ARHGAP22: variants seen among roughly 807,000 people sequenced by gnomAD.
The protein encoded by ARHGAP22 is rho GTPase-activating protein 22.
ARHGAP22 carries 48 observed loss-of-function variants against 59.1 expected under a neutral mutation model. That is an observed-to-expected ratio of 0.81 (90% CI 0.64 to 1.03). The LOEUF (loss-of-function observed/expected upper bound fraction) is 1.03, where lower values mean the gene tolerates loss of function less well. Among genes scored for constraint, ARHGAP22 ranks in the 50% least tolerant of loss-of-function variants. ARHGAP22 has a pLI of 0.00. For synonymous variants in ARHGAP22, 445 were observed against 416.4 expected (o/e 1.07, Z -0.84); for missense variants, 1,015 against 958.7 (o/e 1.06, Z -0.78).
chr10:48,595,605 G>T (rs765584974), intron 1 of ARHGAP22, among the ~76,000 whole-genome samples: 21 of 152,038 alleles, frequency 1.4e-4, no homozygotes, highest in Admixed American at 1.2e-3. Flanking sequence ...CTCACTGCAG[G>T]CTCAAACTCT....
chr10:48,572,713 G>A (rs1174596292), intron 2 of ARHGAP22, among the ~76,000 whole-genome samples: 4 of 152,128 alleles, frequency 2.6e-5, no homozygotes, highest in African/African-American at 4.8e-5. Flanking sequence ...CTGCCTTTCC[G>A]GGTCTACCAG....
intron 9 of ARHGAP22, among the ~76,000 whole-genome samples, chr10:48,449,695 G>A (rs2045704945): frequency 6.6e-6 from 1 of 152,226 alleles, no homozygotes; most frequent in African/African-American, 2.4e-5. Flanking sequence ...GTCCTCATGG[G>A]AGGCTGGAAC....
At position 48,450,749 on chromosome 10, in the gene ARHGAP22, C is replaced by G; in HGVS notation, c.1380G>C (p.Trp460Cys). Residue 460 changes from tryptophan to cysteine, a missense_variant, in exon 9 of 10, where the codon TGG becomes TGC. Physicochemically the swap from Trp to Cys is radical, Grantham distance 215. Transcript: ENST00000249601. The stretch of plus-strand genomic sequence containing the variant: ...GCAGGGAGGACAGCCCGTTCATAAG[C>G]CAGTTCCCGCCGGAGGAGATGATGG... Reference protein sequence around the residue: ...EVPIISSGGNWLMNGLSSLRG... With the variant: ...EVPIISSGGNCLMNGLSSLRG... The G allele has an allele frequency of 6.4e-7, 1 of 1,558,854 alleles. No individual in the cohort carries two copies. Among genetic ancestry groups the G allele is most frequent in the Non-Finnish European group, 8.7e-7 (1 of 1,151,756 alleles).
intron 1 of ARHGAP22, among the ~76,000 whole-genome samples, chr10:48,618,229 A>G (rs1025945887): frequency 2.0e-5 from 3 of 152,046 alleles, no homozygotes; most frequent in Non-Finnish European, 4.4e-5. Flanking sequence ...CATCAAAGAA[A>G]AGCCCAGGAC....
chr10:48,453,962 G>C, intron 7 of ARHGAP22, 126 bp downstream of exon 7: 1 of 974,136 alleles, frequency 1.0e-6, no homozygotes, highest in Non-Finnish European at 1.6e-6. Context: ...CTGGGTTGAG[G>C]CTGTGCAGGG....
intron 1 of ARHGAP22, among the ~76,000 whole-genome samples, chr10:48,633,407 C>A (rs2061694416): frequency 6.6e-6 from 1 of 152,246 alleles, no homozygotes; most frequent in Admixed American, 6.5e-5. Context: ...CCAAAGGAAA[C>A]AATTCTCAGC....
At chr10:48,497,579 T>C (rs549932578) in intron 3 of ARHGAP22, among the ~76,000 whole-genome samples, 2 of 152,148 alleles carry the variant, frequency 1.3e-5, no homozygotes, top group Non-Finnish European at 2.9e-5. Flanking sequence ...TGTGCTGCAG[T>C]ACAAGCTGAG....
At chr10:48,561,218 T>C (rs1444491701) in intron 2 of ARHGAP22, among the ~76,000 whole-genome samples, 1 of 152,202 alleles carries the variant, frequency 6.6e-6, no homozygotes, top group East Asian at 1.9e-4. Context: ...CATATATGGA[T>C]AATTGATTTT....
chr10:48,537,068 T>G (rs2055429306), intron 3 of ARHGAP22, among the ~76,000 whole-genome samples: 1 of 152,192 alleles, frequency 6.6e-6, no homozygotes, highest in East Asian at 1.9e-4. Context: ...TTTCTAGCCT[T>G]GCATTTGCAT....
At chr10:48,532,107 A>C (rs2054904446) in intron 3 of ARHGAP22, among the ~76,000 whole-genome samples, 1 of 152,168 alleles carries the variant, frequency 6.6e-6, no homozygotes, top group Non-Finnish European at 1.5e-5. Flanking sequence ...TAATTTTCAC[A>C]ATAGCCTGTA....
chr10:48,612,509 T>G (rs1425246268), intron 1 of ARHGAP22, among the ~76,000 whole-genome samples: 1 of 152,202 alleles, frequency 6.6e-6, no homozygotes, highest in Admixed American at 6.5e-5. Context: ...TGATGACACC[T>G]GCTGTGATGA....
At chr10:48,552,821 T>C (rs571076887) in intron 3 of ARHGAP22, among the ~76,000 whole-genome samples, 1 of 152,310 alleles carries the variant, frequency 6.6e-6, no homozygotes, top group South Asian at 2.1e-4. Flanking sequence ...AATCTTCTTA[T>C]TCGTTTTTAG....
At chr10:48,618,073 GA>G (rs1232508687) in intron 1 of ARHGAP22, among the ~76,000 whole-genome samples, 1 of 151,692 alleles carries the variant, frequency 6.6e-6, no homozygotes, top group East Asian at 1.9e-4. Context: ...ACCAACAAAT[GA>G]AAATAAATAA....
chr10:48,656,205 G>A (rs1395128500), upstream of ARHGAP22: 4 of 150,438 alleles, frequency 2.7e-5, no homozygotes, highest in African/African-American at 7.4e-5. Flanking sequence ...AGGGCCGGGG[G>A]GATGCAGCCT....
At chr10:48,521,403 T>C (rs962129672) in intron 3 of ARHGAP22, among the ~76,000 whole-genome samples, 1 of 152,198 alleles carries the variant, frequency 6.6e-6, no homozygotes, top group Non-Finnish European at 1.5e-5. Context: ...TGGCTCTTGA[T>C]ATATTTTTGC....
intron 3 of ARHGAP22, among the ~76,000 whole-genome samples, chr10:48,486,333 TTTATTA>T (rs201245098): frequency 6.6e-6 from 1 of 151,078 alleles, no homozygotes; most frequent in African/African-American, 2.4e-5. Flanking sequence ...ATTTTATTAT[TTTATTA>T]TTATTATTAT....
the ARHGAP22 span, among the ~76,000 whole-genome samples, chr10:48,434,291 C>T: frequency 2.0e-5 from 3 of 152,150 alleles, no homozygotes; most frequent in Non-Finnish European, 4.4e-5. Flanking sequence ...CCCATAACCT[C>T]GTGTAAAGTG....
At chr10:48,618,157 A>T (rs2061154073) in intron 1 of ARHGAP22, among the ~76,000 whole-genome samples, 1 of 152,114 alleles carries the variant, frequency 6.6e-6, no homozygotes, top group Non-Finnish European at 1.5e-5. Flanking sequence ...ACTGAGAAGA[A>T]ATGGAAAATG....
chr10:48,460,195 C>T (rs114935526), intron 4 of ARHGAP22, among the ~76,000 whole-genome samples: 1,687 of 152,232 alleles, frequency 0.011, 37 homozygotes, highest in African/African-American at 0.037. Context: ...CCCTTGGGAG[C>T]GTTCATTATG....
Sources: allele counts gnomAD v4.1 joint callset (sites outside exome capture counted in the v4.1 genomes callset), GRCh38; gene constraint gnomAD v4.1.1; transcripts MANE v1.5; gene names NCBI Gene and HGNC (gene_info 2026-07-23, HGNC 2026-07-21).